Variants in ALKBH8 observed in about 807,000 individuals in gnomAD.
The protein encoded by ALKBH8 is alkB homolog 8, tRNA methyltransferase.
ALKBH8 carries 36 observed loss-of-function variants against 59.8 expected under a neutral mutation model. The ratio of observed to expected loss-of-function variants is 0.60; its 90% CI spans 0.46 to 0.79. ALKBH8 has a LOEUF of 0.79. Among genes scored for constraint, ALKBH8 ranks in the 30% least tolerant of loss-of-function variants. The probability of loss-of-function intolerance (pLI) is 0.00; values close to 1 mark genes in which losing one functional copy is unlikely to be tolerated. For missense variants in ALKBH8, 768 were observed against 801.0 expected (o/e 0.96, Z 0.50); for synonymous variants, 276 against 273.6 (o/e 1.01, Z -0.09).
At position 107,564,111 on chromosome 11, in the gene ALKBH8, C is replaced by A. The variant is rs903193941; in HGVS notation, c.-7+1490G>T. On this transcript the variant is annotated intron_variant, in intron 1 of 11. Transcript: ENST00000428149. ...CCCTGTGACATTACTGGAGTGAAGT[C>A]ACTATTAACTATGATACTAGCCATG... 2.0e-5 allele frequency among the ~76,000 whole-genome samples: 3 copies of A among 152,118 alleles called. No individual in the cohort carries two copies. The South Asian group carries it at 6.2e-4, about 32-fold the overall frequency.
At position 107,522,378 on chromosome 11, in the gene ALKBH8, G is replaced by A; in HGVS notation, c.1208C>T (p.Ala403Val). Residue 403 changes from alanine (A) to valine (V), a missense_variant, in exon 10 of 12, where the codon GCT becomes GTT. Ala to Val is a moderately conservative substitution (Grantham distance 64, BLOSUM62 0). Coordinates refer to ENST00000428149, the MANE Select transcript of ALKBH8 (RefSeq NM_138775.3). ...PWPHIVEFLK[A>V]LPSGSIVADI... ...AGCCACTATTGAACCACTTGGCAAA[G>A]CCTTCAAAAACTCCACAATGTGCGG... 1.9e-6 allele frequency: 3 copies of A among 1,551,676 alleles called. No individual in the cohort carries two copies. Among genetic ancestry groups the A allele is most frequent in the Non-Finnish European group, 2.6e-6 (3 of 1,146,976 alleles).
chr11:107,541,385 C>T (rs1281793353), intron 7 of ALKBH8, among the ~76,000 whole-genome samples: 1 of 152,246 alleles, frequency 6.6e-6, no homozygotes, highest in Non-Finnish European at 1.5e-5. Context: ...AAACCCAAGT[C>T]CCCCAACTAG....
chr11:107,541,050 C>T (rs1864013266), intron 7 of ALKBH8, among the ~76,000 whole-genome samples: 1 of 152,078 alleles, frequency 6.6e-6, no homozygotes, highest in Non-Finnish European at 1.5e-5. Flanking sequence ...CAAAATGAGA[C>T]AGCTAGAGTA....
chr11:107,517,639 G>T (rs1301071050), intron 10 of ALKBH8, among the ~76,000 whole-genome samples: 1 of 152,146 alleles, frequency 6.6e-6, no homozygotes, highest in Non-Finnish European at 1.5e-5. Context: ...AGGACATTAG[G>T]TTAAGTGAAA....
rs1433833437 is a variant in ALKBH8 at position 107,504,663 on chromosome 11, C to G, written c.1990G>C (p.Ala664Pro). 5 of 1,544,224 alleles carry G rather than the reference C, an allele frequency of 3.2e-6. No individual in the cohort carries two copies. The highest frequency in any genetic ancestry group is 4.9e-5 in the East Asian group (2 of 40,878). Residue 664 changes from alanine (A) to proline (P), a missense_variant, in exon 12 of 12, where the codon GCC becomes CCC. By Grantham distance (27) the Ala-to-Pro change is conservative. Coordinates refer to ENST00000428149, the MANE Select transcript of ALKBH8 (RefSeq NM_138775.3). ...TGATGTGTTCAGGTAAATAATCAGG[C>G]CTTTTGAAGAATCACACACCAGTTT... Reference protein sequence around the residue: ...QGNWCVILQKA With the variant: ...QGNWCVILQKP
intron 11 of ALKBH8, among the ~76,000 whole-genome samples, chr11:107,509,787 A>G (rs1451552165): frequency 6.6e-6 from 1 of 152,214 alleles, no homozygotes; most frequent in African/African-American, 2.4e-5. Flanking sequence ...GATTTCTAAG[A>G]CGATCATATA....
At chr11:107,549,646 T>C (rs1864411836) in intron 7 of ALKBH8, 107 bp downstream of exon 7, 1 of 829,484 alleles carries the variant, frequency 1.2e-6, no homozygotes, top group Non-Finnish European at 1.7e-6. Flanking sequence ...CCCTTATTTT[T>C]CATTTTTAAA....
chr11:107,512,699 G>A (rs1450000622), intron 10 of ALKBH8, among the ~76,000 whole-genome samples: 2 of 152,116 alleles, frequency 1.3e-5, no homozygotes, highest in Admixed American at 6.5e-5. Flanking sequence ...TATATAAGCA[G>A]ATTTAGTCAA....
chr11:107,565,074 A>T (rs1259360558), intron 1 of ALKBH8: 1 of 155,216 alleles, frequency 6.4e-6, no homozygotes, highest in East Asian at 1.9e-4. Flanking sequence ...GAAAACTGTC[A>T]TCTATTTAAG....
Position 107,524,514 on chromosome 11 carries a change from C to T in ALKBH8, c.1030+927G>A, listed in dbSNP as rs190083151. ...AAGTTCCTTAAGAACAGGAGCCATG[C>T]TTTATTTTTCTATACCATGTAACTC... On this transcript the variant is annotated intron_variant, in intron 9 of 11. Coordinates refer to ENST00000428149, the MANE Select transcript of ALKBH8 (RefSeq NM_138775.3). 1.9e-3 allele frequency among the ~76,000 whole-genome samples: 296 copies of T among 152,278 alleles called. 1 individual carries two copies. Among genetic ancestry groups the T allele is most frequent in the Non-Finnish European group, 3.3e-3 (227 of 68,010 alleles).
intron 7 of ALKBH8, among the ~76,000 whole-genome samples, chr11:107,548,448 G>C (rs566955445): frequency 1.3e-5 from 2 of 152,192 alleles, no homozygotes; most frequent in South Asian, 2.1e-4. Context: ...ACACAGTTGG[G>C]AGGAAAATGA....
intron 8 of ALKBH8, among the ~76,000 whole-genome samples, chr11:107,527,337 C>T (rs74592553): frequency 0.013 from 2,025 of 151,974 alleles, 24 homozygotes; most frequent in South Asian, 0.034. Flanking sequence ...TGAAGGATCT[C>T]AGCAAATTAT....
At chr11:107,545,004 C>T (rs182074767) in intron 7 of ALKBH8, among the ~76,000 whole-genome samples, 1 of 152,162 alleles carries the variant, frequency 6.6e-6, no homozygotes, top group African/African-American at 2.4e-5. Context: ...CAGAGACAAT[C>T]CATTTTTCAG....
intron 8 of ALKBH8, among the ~76,000 whole-genome samples, chr11:107,530,030 G>A (rs1440658412): frequency 1.3e-5 from 2 of 152,064 alleles, no homozygotes; most frequent in Non-Finnish European, 1.5e-5. Context: ...GCAATACTAA[G>A]GTTCAATGTT....
chr11:107,535,427 A>T (rs1863774310), intron 7 of ALKBH8, among the ~76,000 whole-genome samples: 1 of 152,072 alleles, frequency 6.6e-6, no homozygotes, highest in Non-Finnish European at 1.5e-5. Context: ...TTTATTTTTT[A>T]AATTTTTTTA....
chr11:107,531,302 G>A (rs1334100691), intron 8 of ALKBH8, among the ~76,000 whole-genome samples: 1 of 152,134 alleles, frequency 6.6e-6, no homozygotes, highest in Non-Finnish European at 1.5e-5. Flanking sequence ...TATTATGAGG[G>A]ACAGTATATG....
At chr11:107,510,064 T>C (rs1565311963) in intron 11 of ALKBH8, among the ~76,000 whole-genome samples, 1 of 152,154 alleles carries the variant, frequency 6.6e-6, no homozygotes, top group Non-Finnish European at 1.5e-5. Flanking sequence ...GCTTTTGCTG[T>C]AAAAAACCTA....
intron 10 of ALKBH8, among the ~76,000 whole-genome samples, chr11:107,515,949 T>C (rs544836175): frequency 3.9e-5 from 6 of 152,304 alleles, no homozygotes; most frequent in Middle Eastern, 3.4e-3. Context: ...TTTTGACCAA[T>C]AGTTACCTTT....
chr11:107,518,419 G>GC (rs199911101), intron 10 of ALKBH8, among the ~76,000 whole-genome samples: 2,882 of 152,254 alleles, frequency 0.019, 45 homozygotes, highest in Middle Eastern at 0.045. Flanking sequence ...TTGGGAACAG[G>GC]CCCCCCAAAA....
Sources: allele counts gnomAD v4.1 joint callset (sites outside exome capture counted in the v4.1 genomes callset), GRCh38; gene constraint gnomAD v4.1.1; transcripts MANE v1.5; gene names NCBI Gene and HGNC (gene_info 2026-07-23, HGNC 2026-07-21).